Variants in RAP1GAP observed in about 807,000 individuals in gnomAD.
The protein encoded by RAP1GAP is RAP1 GTPase activating protein.
A neutral mutation model predicts 87.2 loss-of-function variants in RAP1GAP; 35 were observed. The ratio of observed to expected loss-of-function variants is 0.40; its 90% CI spans 0.31 to 0.53. The LOEUF (loss-of-function observed/expected upper bound fraction) is 0.53, where lower values mean the gene tolerates loss of function less well. Ranked by LOEUF, RAP1GAP falls within the 20% of genes least tolerant of loss-of-function variation. The pLI is 0.48. For missense variants in RAP1GAP, 734 were observed against 898.9 expected, an observed-to-expected ratio of 0.82 and a Z score of 2.35; for synonymous variants, 375 against 363.9, an observed-to-expected ratio of 1.03 and a Z score of -0.35.
At chr1:21,655,252 G>A (rs2096815841) in intron 1 of RAP1GAP, among the ~76,000 whole-genome samples, 1 of 152,176 alleles carries the variant, frequency 6.6e-6, no homozygotes, top group Non-Finnish European at 1.5e-5. Flanking sequence ...TTATTAGTAA[G>A]AATTCTAAAA....
intron 2 of RAP1GAP, among the ~76,000 whole-genome samples, chr1:21,648,129 A>C (rs1199109261): frequency 3.3e-5 from 5 of 152,178 alleles, no homozygotes; most frequent in Non-Finnish European, 5.9e-5. Flanking sequence ...GAGCACGGGC[A>C]AGGCATTTTG....
At chr1:21,599,638 T>C (rs1484081093) in intron 20 of RAP1GAP, 21 bp from the exon 21 acceptor site, 9 of 1,594,320 alleles carry the variant, frequency 5.6e-6, no homozygotes, top group South Asian at 4.4e-5. Context: ...CAGTGCCCCA[T>C]TAGCCGGTGT....
At chr1:21,604,789 ATG>A (rs2072654018) in intron 18 of RAP1GAP, among the ~76,000 whole-genome samples, 1 of 151,276 alleles carries the variant, frequency 6.6e-6, no homozygotes, top group African/African-American at 2.4e-5. Context: ...GGATGGATGG[ATG>A]GATGGATCGG....
chr1:21,654,928 G>A (rs1433639161), intron 1 of RAP1GAP, among the ~76,000 whole-genome samples: 2 of 152,162 alleles, frequency 1.3e-5, no homozygotes, highest in Non-Finnish European at 2.9e-5. Context: ...ATCACTTGAA[G>A]TCAGGAGTTC....
In RAP1GAP at chr1:21,606,123, G is replaced by A. The variant is rs1490896601; in HGVS notation, c.1371C>T (p.Thr457=). ...TGGGCGCGAAGCTCCCGCTGTGGCTGGTGGACACGGTGTTGGGCTTCTTGT... is the reference window on the plus strand; with the variant it reads ...TGGGCGCGAAGCTCCCGCTGTGGCTAGTGGACACGGTGTTGGGCTTCTTGT... ...LSNKKPNTVS[T]SHSGSFAPNN... The change falls in exon 18 of 25, where the codon ACC becomes ACT. Residue 457 remains threonine (T), a synonymous_variant. Transcript: ENST00000374765. The A allele has an allele frequency of 1.3e-6, 2 of 1,586,058 alleles. No homozygotes were observed. The highest frequency in any genetic ancestry group is 1.3e-5 in the African/African-American group (1 of 74,734).
chr1:21,659,050 A>T (rs2096985151), intron 1 of RAP1GAP, among the ~76,000 whole-genome samples: 1 of 150,516 alleles, frequency 6.6e-6, no homozygotes, highest in Non-Finnish European at 1.5e-5. Flanking sequence ...GATTACAGGC[A>T]TGCACCATCA....
chr1:21,600,983 A>G (rs2067882765), intron 20 of RAP1GAP, among the ~76,000 whole-genome samples: 1 of 149,566 alleles, frequency 6.7e-6, no homozygotes, highest in South Asian at 2.1e-4. Flanking sequence ...ACCCAGCACA[A>G]TGTCACAATG....
At chr1:21,641,371 C>T (rs1216115300) in intron 2 of RAP1GAP, among the ~76,000 whole-genome samples, 1 of 152,182 alleles carries the variant, frequency 6.6e-6, no homozygotes, top group Non-Finnish European at 1.5e-5. Flanking sequence ...TACATTTTCT[C>T]TACCCTCTGC....
intron 20 of RAP1GAP, among the ~76,000 whole-genome samples, chr1:21,600,020 C>A (rs1436758237): frequency 6.6e-6 from 1 of 152,122 alleles, no homozygotes; most frequent in African/African-American, 2.4e-5. Context: ...GATTATTATA[C>A]CCATCTTCCA....
chr1:21,645,032 G>A (rs983162406), intron 2 of RAP1GAP, among the ~76,000 whole-genome samples: 2 of 152,130 alleles, frequency 1.3e-5, no homozygotes, highest in African/African-American at 4.8e-5. Context: ...GGAAATCCAG[G>A]CTCAGTGAGG....
At chr1:21,655,357 G>T (rs573902822) in intron 1 of RAP1GAP, among the ~76,000 whole-genome samples, 101 of 152,332 alleles carry the variant, frequency 6.6e-4, no homozygotes, top group African/African-American at 2.4e-3. Flanking sequence ...AGATCTGTGT[G>T]TGGGCATGTG....
intron 2 of RAP1GAP, among the ~76,000 whole-genome samples, chr1:21,644,900 C>CAA (rs34783815): frequency 0.018 from 2,039 of 114,426 alleles, 64 homozygotes; most frequent in African/African-American, 0.063. Context: ...GACCCTGTCT[C>CAA]AAAAAAAAAA....
chr1:21,626,917 T>C (rs1318232773), intron 2 of RAP1GAP: 2 of 456,758 alleles, frequency 4.4e-6, no homozygotes, highest in Admixed American at 2.3e-5. Flanking sequence ...CATGGCCTCC[T>C]CACCACACTG....
chr1:21,655,847 C>T (rs1048046569), intron 1 of RAP1GAP, among the ~76,000 whole-genome samples: 1 of 152,192 alleles, frequency 6.6e-6, no homozygotes, highest in African/African-American at 2.4e-5. Flanking sequence ...TCCCCCTTTC[C>T]AGGGAGATGG....
intron 3 of RAP1GAP, among the ~76,000 whole-genome samples, chr1:21,624,903 T>A (rs974626935): frequency 2.0e-5 from 3 of 152,096 alleles, no homozygotes; most frequent in Non-Finnish European, 2.9e-5. Context: ...GAAGCTGTGG[T>A]CCGAGGGCAT....
intron 2 of RAP1GAP, among the ~76,000 whole-genome samples, chr1:21,640,137 C>T (rs1043695476): frequency 4.7e-5 from 7 of 149,040 alleles, no homozygotes; most frequent in Non-Finnish European, 7.4e-5. Flanking sequence ...CTCCTCAAAC[C>T]CGAGGTGCTC....
chr1:21,653,534 AAGGG>A (rs1490896414), intron 1 of RAP1GAP, among the ~76,000 whole-genome samples: 2 of 146,662 alleles, frequency 1.4e-5, no homozygotes, highest in Non-Finnish European at 3.0e-5. Flanking sequence ...TTTGCCTGAG[AAGGG>A]AGGAACTTCC....
rs760994253 is a variant in RAP1GAP, at chr1:21,654,772, C to CA, written c.-148-4977dup. Among the ~76,000 whole-genome samples the CA allele has an allele frequency of 2.0e-5, 3 of 151,906 alleles. No homozygotes were observed. The East Asian group carries it at 5.8e-4, about 29-fold the overall frequency. ...GCTCAAGCCTGGGAGGTTGAGGCTG[C>CA]AGTGAGCCCTGACTGCACCACTGCA... On this transcript the variant is annotated intron_variant, in intron 1 of 24. Coordinates refer to ENST00000374765, the MANE Select transcript of RAP1GAP (RefSeq NM_002885.4).
rs368641661 is a variant in RAP1GAP at position 21,600,872 on chromosome 1, A to G, written c.1652+812T>C. ...TGCACTCCAGCCTGGGAGACAGAGCAAGACTCTGTCTCAAAAAAAAAAAAA... is the reference window on the plus strand; with the variant it reads ...TGCACTCCAGCCTGGGAGACAGAGCGAGACTCTGTCTCAAAAAAAAAAAAA... On this transcript the variant is annotated intron_variant, in intron 20 of 24. Transcript: ENST00000374765. Among the ~76,000 whole-genome samples, 1,071 of 111,190 alleles carry G rather than the reference A, an allele frequency of 9.6e-3. 19 individuals are homozygous for G. The highest frequency in any genetic ancestry group is 0.037 in the African/African-American group (1,009 of 27,622). 72.9% of individuals were successfully genotyped at this position (111,190 alleles called of 152,430 possible). A position where few individuals can be genotyped will look rare whatever the true frequency, so the allele number is the denominator to read the frequency against.
Sources: allele counts gnomAD v4.1 joint callset (sites outside exome capture counted in the v4.1 genomes callset), GRCh38; gene constraint gnomAD v4.1.1; transcripts MANE v1.5; gene names NCBI Gene and HGNC (gene_info 2026-07-23, HGNC 2026-07-21).